SLC4A4: variants seen among roughly 807,000 people sequenced by gnomAD.
The protein encoded by SLC4A4 is electrogenic sodium bicarbonate cotransporter 1.
In SLC4A4, 27 loss-of-function variants were observed where a neutral mutation model predicts 111.5. That is an observed-to-expected ratio of 0.24 (90% confidence interval 0.18 to 0.33). The LOEUF is 0.33. SLC4A4 is among the 10% of genes least tolerant of loss of function. SLC4A4 has a pLI of 1.00. For missense variants in SLC4A4, 909 were observed against 1,315.5 expected (o/e 0.69, Z 4.78); for synonymous variants, 443 against 463.4 (o/e 0.96, Z 0.57).
intron 6 of SLC4A4, among the ~76,000 whole-genome samples, chr4:71,378,770 C>T (rs551911539): frequency 2.8e-4 from 42 of 152,296 alleles, no homozygotes; most frequent in Admixed American, 4.6e-4. Context: ...TCTTCAGAAA[C>T]GAGGCTTTTC....
chr4:71,384,981 A>G (rs903451175), intron 6 of SLC4A4, among the ~76,000 whole-genome samples: 3 of 151,616 alleles, frequency 2.0e-5, no homozygotes, highest in Admixed American at 2.0e-4. Context: ...TACCTATGTA[A>G]CAAAACTGCA....
At chr4:71,473,186 A>G in intron 14 of SLC4A4, 1 of 679,520 alleles carries the variant, frequency 1.5e-6, no homozygotes, top group Non-Finnish European at 2.7e-6. Flanking sequence ...TGGAATGTGA[A>G]CATAACCAAC....
At chr4:71,152,322 C>T (rs1046915834) in intron 2 of SLC4A4, among the ~76,000 whole-genome samples, 3 of 152,004 alleles carry the variant, frequency 2.0e-5, no homozygotes, top group African/African-American at 7.2e-5. Flanking sequence ...TATTTTTGCC[C>T]ATTTTTGAAC....
At chr4:71,520,210 T>C (rs1305159858) in intron 16 of SLC4A4, among the ~76,000 whole-genome samples, 2 of 152,232 alleles carry the variant, frequency 1.3e-5, no homozygotes, top group Admixed American at 6.5e-5. Context: ...AAAATGCTCA[T>C]GTTGAGTGAC....
intron 17 of SLC4A4, 135 bp downstream of exon 17, chr4:71,532,310 A>C: frequency 2.9e-6 from 2 of 697,148 alleles, no homozygotes; most frequent in Non-Finnish European, 5.3e-6. Context: ...AGTCCCTCTT[A>C]GGCTCATATA....
intron 12 of SLC4A4, among the ~76,000 whole-genome samples, chr4:71,458,263 T>C (rs1726481862): frequency 6.6e-6 from 1 of 152,116 alleles, no homozygotes; most frequent in African/African-American, 2.4e-5. Flanking sequence ...AACACATATT[T>C]ATGGATTACT....
chr4:71,080,258 G>A (rs1481754946), intron 1 of SLC4A4, among the ~76,000 whole-genome samples: 9 of 152,012 alleles, frequency 5.9e-5, no homozygotes, highest in Non-Finnish European at 1.3e-4. Flanking sequence ...GACTACCCAC[G>A]AGTGTCCCAT....
At chr4:71,555,559 A>G (rs1736396313) in intron 21 of SLC4A4, among the ~76,000 whole-genome samples, 1 of 151,916 alleles carries the variant, frequency 6.6e-6, no homozygotes, top group African/African-American at 2.4e-5. Context: ...TCTTAAAGAT[A>G]GTGTTTATCC....
At chr4:71,453,740 A>T in intron 12 of SLC4A4, 71 bp downstream of exon 12, 1 of 1,396,166 alleles carries the variant, frequency 7.2e-7, no homozygotes, top group Non-Finnish European at 1.0e-6. Context: ...CAGCTCAGTT[A>T]GAAGCAGATG....
chr4:71,492,252 T>C (rs1729999269), intron 15 of SLC4A4, among the ~76,000 whole-genome samples: 1 of 151,908 alleles, frequency 6.6e-6, no homozygotes, highest in Non-Finnish European at 1.5e-5. Flanking sequence ...TCACCTAGCC[T>C]CAATGGCTTT....
At chr4:71,209,490 A>G (rs1474436770) in intron 1 of SLC4A4, among the ~76,000 whole-genome samples, 1 of 152,202 alleles carries the variant, frequency 6.6e-6, no homozygotes, top group Non-Finnish European at 1.5e-5. Flanking sequence ...CAACACTTAG[A>G]TCACATTGTT....
intron 2 of SLC4A4, among the ~76,000 whole-genome samples, chr4:71,181,210 T>C (rs1485328134): frequency 1.0e-5 from 1 of 100,262 alleles, no homozygotes; most frequent in Non-Finnish European, 1.8e-5. Flanking sequence ...CACCAGGGCC[T>C]GTTGTGGGGT....
chr4:71,212,336 G>C lies in SLC4A4; in HGVS notation c.-1-24240G>C, dbSNP rs148676405. Among the ~76,000 whole-genome samples the C allele has an allele frequency of 5.3e-3, 801 of 152,296 alleles. 6 individuals are homozygous for C. Among genetic ancestry groups the C allele is most frequent in the African/African-American group, 0.019 (772 of 41,578 alleles). On this transcript the variant is annotated intron_variant, in intron 1 of 25. Coordinates refer to ENST00000264485, the MANE Select transcript of SLC4A4 (RefSeq NM_001098484.3). ...TTAGTTTTAATGTAGTCACCATCCT[G>C]TGTTGAATCCTCAGGATCAGGAATG...
At chr4:71,168,367 G>C (rs967417041) in intron 2 of SLC4A4, among the ~76,000 whole-genome samples, 3 of 151,706 alleles carry the variant, frequency 2.0e-5, no homozygotes, top group African/African-American at 7.3e-5. Context: ...ATTTCTAGTA[G>C]AGATGGGGTT....
At chr4:71,155,874 A>G (rs998163964) in intron 2 of SLC4A4, among the ~76,000 whole-genome samples, 4 of 152,124 alleles carry the variant, frequency 2.6e-5, no homozygotes, top group African/African-American at 9.7e-5. Context: ...AAATGTCTGT[A>G]TTTTTTAAAA....
At chr4:71,084,694 G>A (rs891022254) in intron 1 of SLC4A4, among the ~76,000 whole-genome samples, 1 of 151,984 alleles carries the variant, frequency 6.6e-6, no homozygotes, top group Non-Finnish European at 1.5e-5. Flanking sequence ...TGAGAATGAT[G>A]GTTTCCAGCT....
At chr4:71,113,975 C>G (rs772463062) in intron 2 of SLC4A4, among the ~76,000 whole-genome samples, 1 of 152,048 alleles carries the variant, frequency 6.6e-6, no homozygotes, top group Non-Finnish European at 1.5e-5. Flanking sequence ...AGGCCGGGCG[C>G]GGTGGCTCAC....
intron 23 of SLC4A4, among the ~76,000 whole-genome samples, chr4:71,561,660 A>G (rs1422972453): frequency 6.6e-6 from 1 of 151,838 alleles, no homozygotes; most frequent in Non-Finnish European, 1.5e-5. Context: ...GAACAGGTAT[A>G]TAGATTTTGT....
Position 71,560,171 on chromosome 4 carries a change from A to G in SLC4A4, c.3016A>G (p.Ile1006Val). ...CGACCTCAGCTTCCTGGATGATGTC[A>G]TTCCAGAAAAGGACAAGAAAAAGAA... The part of the protein sequence containing the change: ...QHDLSFLDDV[I>V]PEKDKKKKED... The change falls in exon 23 of 26, where the codon ATT (isoleucine) becomes GTT (valine). Residue 1006 changes from isoleucine to valine, a missense_variant. Ile to Val is a conservative substitution (Grantham distance 29). Coordinates refer to ENST00000264485, the MANE Select transcript of SLC4A4 (RefSeq NM_001098484.3). 3.1e-6 allele frequency: 5 copies of G among 1,611,244 alleles called. No homozygotes were observed. The highest frequency in any genetic ancestry group is 4.2e-6 in the Non-Finnish European group (5 of 1,178,004).
Sources: gnomAD v4.1 joint callset for allele counts (sites outside exome capture counted in the v4.1 genomes callset) on GRCh38, gnomAD v4.1.1 for gene constraint, MANE v1.5 for transcripts, NCBI Gene and HGNC (gene_info 2026-07-23, HGNC 2026-07-21) for gene names.